Variants in GAB1 observed in about 807,000 individuals in gnomAD.
GAB1 encodes the protein GRB2 associated binding protein 1.
Under a neutral mutation model 66.5 loss-of-function variants are expected in GAB1, and 19 were observed. The ratio of observed to expected loss-of-function variants is 0.29; its 90% CI spans 0.20 to 0.42. GAB1 has a LOEUF of 0.42. Among genes scored for constraint, GAB1 ranks in the 10% least tolerant of loss-of-function variants. GAB1 has a pLI of 1.00. For missense variants in GAB1, 732 were observed against 858.5 expected (o/e 0.85, Z 1.84); for synonymous variants, 294 against 301.4 (o/e 0.98, Z 0.25).
At chr4:143,454,647 T>C (rs1340920214) in intron 6 of GAB1, among the ~76,000 whole-genome samples, 4 of 152,178 alleles carry the variant, frequency 2.6e-5, no homozygotes, top group African/African-American at 9.6e-5. Context: ...GCAGGTTGTT[T>C]CAGCACCAGG....
intron 1 of GAB1, among the ~76,000 whole-genome samples, chr4:143,386,803 A>G (rs1188350018): frequency 1.3e-5 from 2 of 152,254 alleles, no homozygotes; most frequent in African/African-American, 4.8e-5. Context: ...GTGTTGTGTC[A>G]GTGCCCAGAA....
intron 1 of GAB1, chr4:143,349,509 C>T: frequency 1.3e-6 from 2 of 1,536,778 alleles, no homozygotes; most frequent in Non-Finnish European, 1.8e-6. Context: ...CGATACCAGC[C>T]ATCATGAGCA....
At chr4:143,434,304 C>T (rs144083812) in intron 3 of GAB1, 404 of 281,054 alleles carry the variant, frequency 1.4e-3, no homozygotes, top group Non-Finnish European at 2.1e-3. Context: ...CTAAAAATTA[C>T]GAAACTTTTA....
chr4:143,436,077 A>G (rs1398182457), intron 3 of GAB1, among the ~76,000 whole-genome samples: 2 of 152,256 alleles, frequency 1.3e-5, no homozygotes, highest in Non-Finnish European at 2.9e-5. Context: ...TACAAATTTT[A>G]GAATATGCAT....
intron 1 of GAB1, among the ~76,000 whole-genome samples, chr4:143,358,589 A>T (rs1437854529): frequency 6.6e-6 from 1 of 152,220 alleles, no homozygotes; most frequent in Non-Finnish European, 1.5e-5. Context: ...AAAACAATTT[A>T]TTCAAGTCCT....
At chr4:143,419,842 G>C (rs988830225) in intron 2 of GAB1, among the ~76,000 whole-genome samples, 12 of 152,114 alleles carry the variant, frequency 7.9e-5, no homozygotes, top group Non-Finnish European at 1.6e-4. Flanking sequence ...AATCTGTAAA[G>C]CATGAACAGT....
At chr4:143,418,681 TCTTA>T (rs148504338) in intron 2 of GAB1, among the ~76,000 whole-genome samples, 1,815 of 151,852 alleles carry the variant, frequency 0.012, 24 homozygotes, top group Middle Eastern at 0.024. Context: ...CTTCCACCTC[TCTTA>T]CTTTTTTTTA....
Position 143,438,060 on chromosome 4 carries a change from T to A in GAB1, c.655T>A (p.Ser219Thr), listed in dbSNP as rs775951337. Residue 219 changes from serine to threonine, a missense_variant, in exon 4 of 10, where the codon TCT (serine) becomes ACT (threonine). Transcript: ENST00000262994. ...SETDCNDNVP[S>T]HKNPASSQSK... is the part of the protein sequence containing the mutation. ...AACAGACTGCAATGATAACGTCCCT[T>A]CTCATAAAAATCCTGCTTCCTCCCA... 1 of 1,614,062 alleles carries A rather than the reference T, an allele frequency of 6.2e-7. No individual in the cohort carries two copies. Among genetic ancestry groups the A allele is most frequent in the Non-Finnish European group, 8.5e-7 (1 of 1,179,982 alleles).
At chr4:143,349,936 T>G in intron 1 of GAB1, 3 of 1,592,972 alleles carry the variant, frequency 1.9e-6, no homozygotes, top group Non-Finnish European at 2.6e-6. Flanking sequence ...GGACTTGATC[T>G]TCATGTCCTT....
At chr4:143,453,763 C>T (rs1387831582) in intron 6 of GAB1, among the ~76,000 whole-genome samples, 1 of 152,130 alleles carries the variant, frequency 6.6e-6, no homozygotes, top group Non-Finnish European at 1.5e-5. Context: ...TCTCTAGATT[C>T]ACAGAATTTA....
rs748459152 is a variant in GAB1 at position 143,337,152 on chromosome 4, C to G, written c.-37C>G. On this transcript the variant is annotated 5_prime_UTR_variant, in exon 1 of 10. Coordinates refer to ENST00000262994, the MANE Select transcript of GAB1 (RefSeq NM_002039.4). ...TGTGTCGGGAGCGCGCCCGCCGCCCCTCAGCTGCCCGGCCCGGAGCCCGAG... is the reference window on the plus strand; with the variant it reads ...TGTGTCGGGAGCGCGCCCGCCGCCCGTCAGCTGCCCGGCCCGGAGCCCGAG... The G allele has an allele frequency of 1.9e-6, 3 of 1,549,424 alleles. No homozygotes were observed. In the East Asian group the frequency reaches 7.2e-5, roughly 37 times the overall value.
intron 1 of GAB1, among the ~76,000 whole-genome samples, chr4:143,338,367 G>A (rs1400891389): frequency 1.3e-5 from 2 of 152,290 alleles, no homozygotes; most frequent in African/African-American, 2.4e-5. Flanking sequence ...CCCGTTTGTC[G>A]TTGAGGAATA....
At chr4:143,354,226 C>T (rs777411968) in intron 1 of GAB1, among the ~76,000 whole-genome samples, 18 of 152,146 alleles carry the variant, frequency 1.2e-4, no homozygotes, top group Non-Finnish European at 1.9e-4. Flanking sequence ...TTTTTAAAAT[C>T]GTACACTTGG....
At chr4:143,461,449 G>A (rs1578754197) in intron 8 of GAB1, among the ~76,000 whole-genome samples, 1 of 152,256 alleles carries the variant, frequency 6.6e-6, no homozygotes, top group Middle Eastern at 3.4e-3. Context: ...CATTGGACAA[G>A]ATGATGCTCC....
At chr4:143,442,655 AT>A (rs1185342836) in intron 6 of GAB1, among the ~76,000 whole-genome samples, 9 of 152,296 alleles carry the variant, frequency 5.9e-5, no homozygotes, top group African/African-American at 2.2e-4. Flanking sequence ...ATATTTTATA[AT>A]TATACATCCC....
chr4:143,432,355 A>C (rs999516369), intron 2 of GAB1, among the ~76,000 whole-genome samples: 1 of 152,192 alleles, frequency 6.6e-6, no homozygotes, highest in Non-Finnish European at 1.5e-5. Flanking sequence ...GGCACCAAAA[A>C]TGATGCAGAA....
chr4:143,406,853 G>A (rs1307708107), intron 1 of GAB1, among the ~76,000 whole-genome samples: 1 of 152,170 alleles, frequency 6.6e-6, no homozygotes, highest in Admixed American at 6.5e-5. Context: ...TTAGAGTGTG[G>A]GCACAGCCCC....
intron 9 of GAB1, among the ~76,000 whole-genome samples, chr4:143,467,012 T>G (rs1474216489): frequency 1.3e-5 from 2 of 152,228 alleles, no homozygotes; most frequent in African/African-American, 4.8e-5. Flanking sequence ...CAGACCTTCC[T>G]TCTGCAATAA....
At chr4:143,435,692 T>C (rs578215046) in intron 3 of GAB1, among the ~76,000 whole-genome samples, 2 of 152,340 alleles carry the variant, frequency 1.3e-5, no homozygotes, top group African/African-American at 2.4e-5. Context: ...ATATAAGATA[T>C]AGTCTACTCA....
Sources: gnomAD v4.1 joint callset for allele counts (sites outside exome capture counted in the v4.1 genomes callset) on GRCh38, gnomAD v4.1.1 for gene constraint, MANE v1.5 for transcripts, NCBI Gene and HGNC (gene_info 2026-07-23, HGNC 2026-07-21) for gene names.